The following PACS2 variants were observed in gnomAD, a reference collection of about 807,000 sequenced individuals.
The protein encoded by PACS2 is phosphofurin acidic cluster sorting protein 2, also known as PACS1-like protein.
A neutral mutation model predicts 113.0 loss-of-function variants in PACS2; 36 were observed. The ratio of observed to expected loss-of-function variants is 0.32; its 90% CI spans 0.24 to 0.42. PACS2 has a LOEUF of 0.42. Ranked by LOEUF, PACS2 falls within the 10% of genes least tolerant of loss-of-function variation. PACS2 has a pLI of 1.00. For synonymous variants in PACS2, 589 were observed against 536.1 expected, an observed-to-expected ratio of 1.10 and a Z score of -1.36; for missense variants, 1,015 against 1,239.5, an observed-to-expected ratio of 0.82 and a Z score of 2.72.
intron 17 of PACS2, 99 bp from the exon 18 acceptor site, chr14:105,384,780 A>G (rs587621841): frequency 1.0e-5 from 8 of 776,172 alleles, no homozygotes; most frequent in African/African-American, 1.7e-5. Context: ...GCTTCGGGGT[A>G]CGGGAGGCCT....
chr14:105,375,831 C>T (rs767140399), intron 8 of PACS2, among the ~76,000 whole-genome samples: 309 of 152,348 alleles, frequency 2.0e-3, no homozygotes, highest in Non-Finnish European at 3.5e-3. Context: ...ACAGCAGCTT[C>T]ATCTGTGATG....
intron 1 of PACS2, among the ~76,000 whole-genome samples, chr14:105,331,166 G>A (rs1047158932): frequency 2.6e-5 from 4 of 152,114 alleles, no homozygotes; most frequent in Non-Finnish European, 4.4e-5. Flanking sequence ...TGTTGGCCAG[G>A]CTGGTCTCAA....
At chr14:105,381,306 C>G (rs1210237019) in intron 12 of PACS2, among the ~76,000 whole-genome samples, 1 of 152,208 alleles carries the variant, frequency 6.6e-6, no homozygotes, top group Non-Finnish European at 1.5e-5. Context: ...GCCCCAGATT[C>G]CACCCTACCT....
chr14:105,394,778 GA>G lies in PACS2; in HGVS notation c.*107del. The G allele has an allele frequency of 1.3e-6, 1 of 791,154 alleles. No homozygotes were observed. Among genetic ancestry groups the G allele is most frequent in the Non-Finnish European group, 2.2e-6 (1 of 445,294 alleles). 49.0% of individuals were successfully genotyped at this position (791,154 alleles called of 1,614,324 possible). A position where few individuals can be genotyped will look rare whatever the true frequency, so the allele number is the denominator to read the frequency against. ...CAGAGACAGACGCTTAAAACACAAA[GA>G]GAAACAGTCTTAAGTATGAATGTGC... On this transcript the variant is annotated 3_prime_UTR_variant, in exon 25 of 25. Coordinates refer to ENST00000447393, the MANE Select transcript of PACS2 (RefSeq NM_001100913.3).
Position 105,361,891 on chromosome 14 carries a change from A to G in PACS2, c.424-5322A>G, listed in dbSNP as rs587601061. On this transcript the variant is annotated intron_variant, in intron 4 of 24. Coordinates refer to ENST00000447393, the MANE Select transcript of PACS2 (RefSeq NM_001100913.3). The stretch of plus-strand genomic sequence containing the variant: ...TTGAACCCAGGAGGCGGAAATTGCA[A>G]TGAGCCAAGATCACGACATTGCACT... Among the ~76,000 whole-genome samples, 11 of 151,320 alleles carry G rather than the reference A, an allele frequency of 7.3e-5. No individual in the cohort carries two copies. The South Asian group carries it at 8.4e-4, about 12-fold the overall frequency.
chr14:105,391,027 G>T, intron 20 of PACS2, 180 bp from the exon 21 acceptor site: 1 of 626,046 alleles, frequency 1.6e-6, no homozygotes. Context: ...CCACATGGCT[G>T]CTCTGAGCTC....
chr14:105,362,768 T>A (rs1031190976), intron 4 of PACS2, among the ~76,000 whole-genome samples: 2 of 151,882 alleles, frequency 1.3e-5, no homozygotes, highest in Non-Finnish European at 2.9e-5. Flanking sequence ...GGAGAATCGC[T>A]TGAACCTGGG....
Position 105,389,967 on chromosome 14 carries a change from C to G in PACS2, c.2040C>G (p.Asp680Glu), listed in dbSNP as rs782462194. The change falls in exon 20 of 25, where the codon GAC becomes GAG. Residue 680 changes from aspartate to glutamate, a missense_variant. Physicochemically the swap from Asp to Glu is conservative, Grantham distance 45. This residue lies in a region of PACS2 where 859 missense variants were observed against 1,056.8 expected (regional missense o/e 0.81). Transcript: ENST00000447393. ...TCTGTTTCCTTGCTCTTAGCCCTGACGAAGAGTCCTCCCAAAAGTTCATTC... is the reference window on the plus strand; with the variant it reads ...TCTGTTTCCTTGCTCTTAGCCCTGAGGAAGAGTCCTCCCAAAAGTTCATTC... ...HFHFDFTLSP[D>E]EESSQKFIPF... The G allele has an allele frequency of 3.7e-6, 6 of 1,613,702 alleles. No individual in the cohort carries two copies. The highest frequency in any genetic ancestry group is 4.2e-6 in the Non-Finnish European group (5 of 1,179,774).
chr14:105,339,035 C>T (rs587705701), intron 1 of PACS2, among the ~76,000 whole-genome samples: 2 of 152,326 alleles, frequency 1.3e-5, no homozygotes, highest in South Asian at 4.2e-4. Context: ...TGTTGACCAA[C>T]CCAGGCTGAC....
chr14:105,353,188 C>G (rs2060289163), intron 3 of PACS2, among the ~76,000 whole-genome samples: 1 of 126,770 alleles, frequency 7.9e-6, no homozygotes, highest in Non-Finnish European at 1.7e-5. Flanking sequence ...GGTGACGGGC[C>G]CCCCCAATCA....
chr14:105,392,267 C>T (rs1234090336), intron 22 of PACS2: 1 of 387,782 alleles, frequency 2.6e-6, no homozygotes. Context: ...GATACCCCCC[C>T]GACCCCCCTG....
intron 4 of PACS2, among the ~76,000 whole-genome samples, chr14:105,360,216 G>A (rs1555406159): frequency 2.0e-5 from 3 of 152,100 alleles, no homozygotes; most frequent in Admixed American, 6.5e-5. Context: ...ATAGCATTAC[G>A]TCAAAAAATA....
intron 3 of PACS2, among the ~76,000 whole-genome samples, chr14:105,353,821 T>A (rs1473571527): frequency 6.6e-6 from 1 of 152,132 alleles, no homozygotes; most frequent in African/African-American, 2.4e-5. Flanking sequence ...CTCGAACTCC[T>A]GACTGCATGA....
upstream of PACS2, among the ~76,000 whole-genome samples, chr14:105,314,153 C>T (rs587688914): frequency 1.3e-5 from 2 of 152,294 alleles, no homozygotes; most frequent in South Asian, 4.1e-4. Context: ...TCCTTGCCAC[C>T]TCCCTGCGTC....
chr14:105,383,755 C>A, intron 16 of PACS2: 1 of 511,084 alleles, frequency 2.0e-6, no homozygotes, highest in South Asian at 2.6e-5. Context: ...CTTGATTGCC[C>A]TAAAACAGCC....
chr14:105,347,366 G>A (rs2059980166), intron 1 of PACS2, among the ~76,000 whole-genome samples: 2 of 152,098 alleles, frequency 1.3e-5, no homozygotes, highest in Admixed American at 1.3e-4. Context: ...CCTTCCCACC[G>A]CCATGTCCAC....
chr14:105,362,206 C>T (rs948499270), intron 4 of PACS2, among the ~76,000 whole-genome samples: 10 of 150,800 alleles, frequency 6.6e-5, no homozygotes, highest in South Asian at 2.1e-4. Flanking sequence ...ATCACGAGGT[C>T]AGGAGATCAA....
upstream of PACS2, chr14:105,314,286 G>A (rs1276214606): frequency 6.6e-6 from 1 of 151,848 alleles, no homozygotes; most frequent in Non-Finnish European, 1.5e-5. Context: ...GGGGCGGGGA[G>A]ACTCGGGGCA....
chr14:105,340,812 C>A lies in PACS2; in HGVS notation c.120-7681C>A, dbSNP rs2059694423. On this transcript the variant is annotated intron_variant, in intron 1 of 24. Transcript: ENST00000447393. The surrounding 1 kb of genome is among the most constrained non-coding windows in gnomAD (Gnocchi z 4.2). ...ATCTCCTGTCCTGGCTTGGCTTCTG[C>A]CCCTGGGTCCGTGGTGGCTGCCTGG... is the stretch of plus-strand genomic sequence containing the variant. Among the ~76,000 whole-genome samples, 1 of 152,236 alleles carries A rather than the reference C, an allele frequency of 6.6e-6. No homozygotes were observed. Among genetic ancestry groups the A allele is most frequent in the Admixed American group, 6.5e-5 (1 of 15,290 alleles).
Sources: allele counts gnomAD v4.1 joint callset (sites outside exome capture counted in the v4.1 genomes callset), GRCh38; gene constraint gnomAD v4.1.1; regional missense constraint gnomAD v4.1.1; non-coding constraint Gnocchi (gnomAD v3.1); transcripts MANE v1.5; gene names NCBI Gene and HGNC (gene_info 2026-07-23, HGNC 2026-07-21).